Variants in FAM13A observed in about 807,000 individuals in gnomAD.
FAM13A encodes family with sequence similarity 13 member A.
A neutral mutation model predicts 129.6 loss-of-function variants in FAM13A; 76 were observed. The ratio of observed to expected loss-of-function variants is 0.59; its 90% CI spans 0.49 to 0.71. FAM13A has a LOEUF of 0.71. FAM13A is among the 30% of genes least tolerant of loss of function. The probability of loss-of-function intolerance (pLI) is 0.00; values close to 1 mark genes in which losing one functional copy is unlikely to be tolerated. For missense variants in FAM13A, 1,108 were observed against 1,249.3 expected, an observed-to-expected ratio of 0.89 and a Z score of 1.70; for synonymous variants, 443 against 449.9, an observed-to-expected ratio of 0.98 and a Z score of 0.20.
At chr4:88,883,684 A>C (rs991682003) in intron 6 of FAM13A, among the ~76,000 whole-genome samples, 1 of 152,050 alleles carries the variant, frequency 6.6e-6, no homozygotes, top group African/African-American at 2.4e-5. Flanking sequence ...TAAATGAAAT[A>C]GAAACAAACA....
intron 6 of FAM13A, among the ~76,000 whole-genome samples, chr4:88,853,302 AAT>A (rs138522783): frequency 0.014 from 2,144 of 152,318 alleles, 59 homozygotes; most frequent in African/African-American, 0.049. Flanking sequence ...TTAAACAGAT[AAT>A]TAACATATGC....
At chr4:88,882,714 C>T (rs962604357) in intron 6 of FAM13A, among the ~76,000 whole-genome samples, 1 of 151,904 alleles carries the variant, frequency 6.6e-6, no homozygotes, top group African/African-American at 2.4e-5. Context: ...TTAAAATACA[C>T]ACAATGGCAG....
chr4:88,951,332 A>C (rs1756916883), intron 4 of FAM13A, among the ~76,000 whole-genome samples: 1 of 152,116 alleles, frequency 6.6e-6, no homozygotes, highest in Non-Finnish European at 1.5e-5. Flanking sequence ...AGTTCTATGA[A>C]CTCTGGCAAA....
At chr4:88,996,266 G>C (rs1297680838) in intron 3 of FAM13A, among the ~76,000 whole-genome samples, 1 of 152,180 alleles carries the variant, frequency 6.6e-6, no homozygotes, top group African/African-American at 2.4e-5. Flanking sequence ...GAGCTGTGGG[G>C]AGACATGATC....
chr4:88,751,525 G>C (rs1257114039), intron 14 of FAM13A, among the ~76,000 whole-genome samples: 1 of 151,924 alleles, frequency 6.6e-6, no homozygotes, highest in Non-Finnish European at 1.5e-5. Context: ...TCCAGTTAGA[G>C]TGAGATGCAT....
At chr4:88,983,128 A>G (rs1761846996) in intron 4 of FAM13A, among the ~76,000 whole-genome samples, 1 of 152,138 alleles carries the variant, frequency 6.6e-6, no homozygotes, top group Admixed American at 6.5e-5. Flanking sequence ...TCTGTTCCTT[A>G]TAGGTATAAG....
intron 6 of FAM13A, among the ~76,000 whole-genome samples, chr4:88,876,200 T>A (rs1359469108): frequency 6.6e-6 from 1 of 151,978 alleles, no homozygotes; most frequent in Non-Finnish European, 1.5e-5. Flanking sequence ...AAATGACGAG[T>A]TAATGGGTGC....
At position 88,860,836 on chromosome 4, in the gene FAM13A, A is replaced by G. The variant is rs139290899; in HGVS notation, c.844-9653T>C. Reference sequence around the variant, plus strand: ...GCTGGAAATTGTAAGGCCAGGAATCAGTGAGGTTTCCTCCATTAGGGCGCC... The same window carrying G: ...GCTGGAAATTGTAAGGCCAGGAATCGGTGAGGTTTCCTCCATTAGGGCGCC... On this transcript the variant is annotated intron_variant, in intron 6 of 23. Coordinates refer to ENST00000264344, the MANE Select transcript of FAM13A (RefSeq NM_014883.4). Among the ~76,000 whole-genome samples the G allele has an allele frequency of 4.4e-3, 675 of 152,358 alleles. 2 individuals are homozygous for G. Among genetic ancestry groups the G allele is most frequent in the Middle Eastern group, 0.017 (5 of 294 alleles).
chr4:88,964,092 C>A (rs868145878), intron 4 of FAM13A, among the ~76,000 whole-genome samples: 4 of 152,222 alleles, frequency 2.6e-5, no homozygotes. Context: ...TAGCTGCAAT[C>A]TGCCTAGTTA....
intron 8 of FAM13A, among the ~76,000 whole-genome samples, chr4:88,804,409 T>C (rs1436213026): frequency 6.6e-6 from 1 of 152,172 alleles, no homozygotes; most frequent in Non-Finnish European, 1.5e-5. Flanking sequence ...AGACATGCAA[T>C]AAGGAAGACT....
chr4:88,851,400 A>G (rs1206220219), intron 6 of FAM13A, among the ~76,000 whole-genome samples: 1 of 152,178 alleles, frequency 6.6e-6, no homozygotes, highest in Non-Finnish European at 1.5e-5. Flanking sequence ...TCCAAGGAGA[A>G]CATTCAAACC....
chr4:89,034,841 C>G (rs1769161523), intron 1 of FAM13A, among the ~76,000 whole-genome samples: 1 of 152,200 alleles, frequency 6.6e-6, no homozygotes, highest in African/African-American at 2.4e-5. Context: ...GAGTTCATAT[C>G]ACTGCACTCC....
chr4:88,880,044 T>C (rs1743264357), intron 6 of FAM13A, among the ~76,000 whole-genome samples: 1 of 152,120 alleles, frequency 6.6e-6, no homozygotes, highest in Non-Finnish European at 1.5e-5. Context: ...TTATATATTA[T>C]TATTCCTCTC....
chr4:88,818,312 T>G (rs1731187958), intron 7 of FAM13A, among the ~76,000 whole-genome samples: 1 of 152,070 alleles, frequency 6.6e-6, no homozygotes, highest in South Asian at 2.1e-4. Flanking sequence ...CCTATCACAT[T>G]CTTTAACTCC....
rs771172333 is a variant in FAM13A at position 88,739,052 on chromosome 4, C to T, written c.2540G>A (p.Arg847Gln). The change falls in exon 20 of 24, where the codon CGA becomes CAA. Residue 847 changes from arginine (R) to glutamine (Q), a missense_variant. Arg to Gln is a conservative substitution (Grantham distance 43). This residue lies in a region of FAM13A where 529 missense variants were observed against 621.2 expected (regional missense o/e 0.85). Transcript: ENST00000264344. Reference protein sequence around the residue: ...RYRLVKQILSRANTIPIIGSP... With the variant: ...RYRLVKQILSQANTIPIIGSP... ...CACAATGATGGGTATGGTGTTAGCT[C>T]GGGAGAGGATCTGTTTGACCAGCCG... 5.0e-6 allele frequency: 8 copies of T among 1,613,068 alleles called. No individual in the cohort carries two copies. In the African/African-American group the frequency reaches 8.0e-5, roughly 16 times the overall value.
At chr4:88,759,458 T>C (rs2149510979) in intron 13 of FAM13A, 2 of 152,706 alleles carry the variant, frequency 1.3e-5, no homozygotes, top group Middle Eastern at 6.1e-3. Flanking sequence ...TCACTGAGTA[T>C]TGGGAGAACA....
chr4:88,995,642 C>T (rs1475424036), intron 3 of FAM13A, among the ~76,000 whole-genome samples: 1 of 152,164 alleles, frequency 6.6e-6, no homozygotes, highest in Non-Finnish European at 1.5e-5. Context: ...GTGCTGTGGG[C>T]TTCCCTACTT....
At chr4:88,973,497 T>A (rs1760436233) in intron 4 of FAM13A, among the ~76,000 whole-genome samples, 1 of 152,204 alleles carries the variant, frequency 6.6e-6, no homozygotes, top group Non-Finnish European at 1.5e-5. Flanking sequence ...TAGCATTGCT[T>A]TTGGTTCTTT....
At chr4:89,031,056 T>C (rs187759564) in intron 1 of FAM13A, among the ~76,000 whole-genome samples, 1 of 152,288 alleles carries the variant, frequency 6.6e-6, no homozygotes, top group African/African-American at 2.4e-5. Context: ...GTAGCTACTA[T>C]GGAGTAGTAT....
Sources: gnomAD v4.1 joint callset for allele counts (sites outside exome capture counted in the v4.1 genomes callset) on GRCh38, gnomAD v4.1.1 for gene constraint, gnomAD v4.1.1 regional missense constraint, MANE v1.5 for transcripts, NCBI Gene and HGNC (gene_info 2026-07-23, HGNC 2026-07-21) for gene names.